Variants in PLEKHG4B observed in about 807,000 individuals in gnomAD.
PLEKHG4B encodes pleckstrin homology and RhoGEF domain containing G4B.
Under a neutral mutation model 121.3 loss-of-function variants are expected in PLEKHG4B, and 111 were observed. That is an observed-to-expected ratio of 0.92 (90% CI 0.78 to 1.07). The LOEUF (loss-of-function observed/expected upper bound fraction) is 1.07, where lower values mean the gene tolerates loss of function less well. PLEKHG4B is among the 50% of genes least tolerant of loss of function. The pLI is 0.00. For synonymous variants in PLEKHG4B, 738 were observed against 725.0 expected, an observed-to-expected ratio of 1.02 and a Z score of -0.29; for missense variants, 1,831 against 1,757.8, an observed-to-expected ratio of 1.04 and a Z score of -0.74.
intron 2 of PLEKHG4B, among the ~76,000 whole-genome samples, chr5:126,604 G>A (rs1734619849): frequency 6.6e-6 from 1 of 152,142 alleles, no homozygotes. Context: ...TTGAAAATTG[G>A]ACATTTGAAT....
intron 18 of PLEKHG4B, among the ~76,000 whole-genome samples, chr5:178,378 T>C (rs1482943539): frequency 6.6e-6 from 1 of 152,250 alleles, no homozygotes; most frequent in African/African-American, 2.4e-5. Flanking sequence ...ACAGCTTCGA[T>C]TATTTGAAAT....
At chr5:119,910 G>A (rs537795732) in intron 2 of PLEKHG4B, among the ~76,000 whole-genome samples, 1 of 152,182 alleles carries the variant, frequency 6.6e-6, no homozygotes, top group Admixed American at 6.5e-5. Flanking sequence ...AAGTGGAAAT[G>A]GAAGGAGGGA....
At chr5:172,703 T>C (rs1736604921) in intron 16 of PLEKHG4B, among the ~76,000 whole-genome samples, 194 bp from the exon 17 acceptor site, 1 of 152,230 alleles carries the variant, frequency 6.6e-6, no homozygotes, top group African/African-American at 2.4e-5. Flanking sequence ...TTAGATGTGA[T>C]GCTGCAGTTT....
At chr5:98,155 A>G (rs1168140009) in intron 1 of PLEKHG4B, among the ~76,000 whole-genome samples, 3 of 152,058 alleles carry the variant, frequency 2.0e-5, no homozygotes, top group Non-Finnish European at 4.4e-5. Context: ...GGTTTACCCC[A>G]ATGTTTTCTT....
At chr5:145,508 A>G (rs1253728323) in intron 6 of PLEKHG4B, among the ~76,000 whole-genome samples, 1 of 152,172 alleles carries the variant, frequency 6.6e-6, no homozygotes, top group South Asian at 2.1e-4. Flanking sequence ...CTACAGGCGC[A>G]TGCCACCATG....
chr5:187,373 G>A lies in PLEKHG4B; in HGVS notation c.*5050G>A, dbSNP rs1227724802. 6.6e-6 allele frequency: 1 copy of A among 152,302 alleles called. No homozygotes were observed. Among genetic ancestry groups the A allele is most frequent in the Non-Finnish European group, 1.5e-5 (1 of 68,156 alleles). The allele number at this position is 152,302 out of a possible 1,614,324, so 9.4% of individuals were successfully genotyped here. ...GGCCTGCGTCCATCCCCGGTTCTGG[G>A]GAGATGCCCGGGCCCCTCCTGGATG... On this transcript the variant is annotated 3_prime_UTR_variant, in exon 20 of 20. Coordinates refer to ENST00000637938, the MANE Select transcript of PLEKHG4B (RefSeq NM_052909.5).
intron 18 of PLEKHG4B, among the ~76,000 whole-genome samples, chr5:178,239 T>C (rs547865414): frequency 8.7e-4 from 132 of 152,296 alleles, no homozygotes; most frequent in African/African-American, 2.9e-3. Context: ...GGAAACGCCC[T>C]CTCCCTGGCA....
chr5:162,890 C>T lies in PLEKHG4B; in HGVS notation c.2818C>T (p.Gln940Ter), dbSNP rs1389925145. 6.5e-7 allele frequency: 1 copy of T among 1,530,936 alleles called. No homozygotes were observed. The highest frequency in any genetic ancestry group is 8.8e-7 in the Non-Finnish European group (1 of 1,138,208). 94.8% of individuals were successfully genotyped at this position (1,530,936 alleles called of 1,614,324 possible). The change falls in exon 13 of 20, where the codon CAG becomes TAG. Residue 940 changes from glutamine to a stop codon, truncating the protein, a stop_gained. Transcript: ENST00000637938. LOFTEE classifies it high-confidence loss of function. ...TGCCCTGGGGAAACCGTGGGCATCACAGCAAGACCTGTGGCTGCAGTACCC... is the reference window on the plus strand; with the variant it reads ...TGCCCTGGGGAAACCGTGGGCATCATAGCAAGACCTGTGGCTGCAGTACCC... ...PHALGKPWAS[Q>*]QDLWLQYPQT...
chr5:169,558 G>GC lies in PLEKHG4B; in HGVS notation c.3699dup (p.Ala1235GlyfsTer47). On this transcript the variant is annotated frameshift_variant, in exon 14 of 20. Coordinates refer to ENST00000637938, the MANE Select transcript of PLEKHG4B (RefSeq NM_052909.5). LOFTEE classifies it high-confidence loss of function. ...CGGGAGCTGGAGCGCTGCCAGCACT[G>GC]CCCCTTGGCCGTGGGCCGCAGTTTC... 1 of 1,613,742 alleles carries GC rather than the reference G, an allele frequency of 6.2e-7. No homozygotes were observed. Among genetic ancestry groups the GC allele is most frequent in the Non-Finnish European group, 8.5e-7 (1 of 1,180,046 alleles).
rs1735816418 is a variant in PLEKHG4B, at chr5:157,271, C to T, written c.2487+360C>T. ...AGTGACTGAGAAGCCGAGGTGAAACCGACACAGGTAGAGAGAGTCTGGGCC... is the reference window on the plus strand; with the variant it reads ...AGTGACTGAGAAGCCGAGGTGAAACTGACACAGGTAGAGAGAGTCTGGGCC... On this transcript the variant is annotated intron_variant, in intron 11 of 19. Coordinates refer to ENST00000637938, the MANE Select transcript of PLEKHG4B (RefSeq NM_052909.5). This position sits in a 1 kb window ranked among gnomAD's most constrained non-coding sequence, Gnocchi z 4.6. Among the ~76,000 whole-genome samples the T allele has an allele frequency of 6.6e-6, 1 of 151,868 alleles. No homozygotes were observed. Among genetic ancestry groups the T allele is most frequent in the Admixed American group, 6.6e-5 (1 of 15,256 alleles).
intron 6 of PLEKHG4B, among the ~76,000 whole-genome samples, chr5:146,395 A>G (rs922929087): frequency 2.7e-5 from 3 of 111,274 alleles, no homozygotes; most frequent in African/African-American, 7.2e-5. Flanking sequence ...CACAAGCTGT[A>G]GCCCTCCATC....
intron 13 of PLEKHG4B, among the ~76,000 whole-genome samples, chr5:164,341 G>A (rs1277324518): frequency 1.3e-5 from 2 of 152,190 alleles, no homozygotes; most frequent in Non-Finnish European, 2.9e-5. Context: ...AGTAGTGTTC[G>A]TGCTTCTCCG....
chr5:170,848 C>T (rs1736518674), intron 14 of PLEKHG4B, among the ~76,000 whole-genome samples, 195 bp from the exon 15 acceptor site: 1 of 152,130 alleles, frequency 6.6e-6, no homozygotes, highest in Non-Finnish European at 1.5e-5. Context: ...ACTGGTCACC[C>T]CTGGAGCCCT....
At chr5:99,170 G>GTATATATATATATATATATATA (rs534174768) in intron 1 of PLEKHG4B, among the ~76,000 whole-genome samples, 1 of 100,508 alleles carries the variant, frequency 9.9e-6, no homozygotes, top group Non-Finnish European at 1.9e-5. Context: ...AAAAAAAAGT[G>GTATATATATATATATATATATA]TATATATATA....
In PLEKHG4B at chr5:161,793, A is replaced by C; in HGVS notation, c.2498A>C (p.Gln833Pro). ...GTTCCTTGGGTACAGCAATCCTGCC[A>C]GAAAGGACTACAGCTGGCGAAGGAG... The part of the protein sequence containing the change: ...LLEGNDQQSC[Q>P]KGLQLAKENP... Residue 833 changes from glutamine to proline, a missense_variant, in exon 12 of 20, where the codon CAG becomes CCG. Physicochemically the swap from Gln to Pro is moderately conservative, Grantham distance 76 (BLOSUM62 -1). Transcript: ENST00000637938. The C allele has an allele frequency of 6.2e-7, 1 of 1,613,728 alleles. No individual in the cohort carries two copies. Among genetic ancestry groups the C allele is most frequent in the Non-Finnish European group, 8.5e-7 (1 of 1,180,032 alleles).
chr5:133,996 A>G (rs1397770962), intron 2 of PLEKHG4B, among the ~76,000 whole-genome samples: 2 of 147,694 alleles, frequency 1.4e-5, no homozygotes, highest in African/African-American at 5.0e-5. Flanking sequence ...GATGGAATAT[A>G]TATATATGAG....
rs114689935 is a variant in PLEKHG4B at position 174,659 on chromosome 5, A to T, written c.4402+561A>T. Among the ~76,000 whole-genome samples, 1,307 of 152,218 alleles carry T rather than the reference A, an allele frequency of 8.6e-3. 10 individuals are homozygous for T. The highest frequency in any genetic ancestry group is 0.018 in the South Asian group (89 of 4,822). ...CGGTCTGGGGAAACAACAGGATCAC[A>T]TCATTTTCTATACAGGGTTGGTGCA... On this transcript the variant is annotated intron_variant, in intron 18 of 19. Transcript: ENST00000637938.
rs1735087582 is a variant in PLEKHG4B, at chr5:139,581, C to G, written c.342C>G (p.Leu114=). 2.5e-6 allele frequency: 1 copy of G among 398,872 alleles called. No individual in the cohort carries two copies. Among genetic ancestry groups the G allele is most frequent in the African/African-American group, 2.1e-5 (1 of 48,646 alleles). The allele number at this position is 398,872 out of a possible 1,614,324, so 24.7% of individuals were successfully genotyped here. The change falls in exon 3 of 20, where the codon CTC becomes CTG. Residue 114 remains leucine, a synonymous_variant. Coordinates refer to ENST00000637938, the MANE Select transcript of PLEKHG4B (RefSeq NM_052909.5). This position sits in a 1 kb window ranked among gnomAD's most constrained non-coding sequence, Gnocchi z 5.0. ...TGGCGTCCCTGCACGGAGTCAGGCT[C>G]CAGCCCGGGGACTTCTACCTGCAGG... is the stretch of plus-strand genomic sequence containing the variant. ...VQLASLHGVR[L]QPGDFYLQVT... is the part of the protein sequence containing the mutation.
chr5:164,729 T>C (rs562983172), intron 13 of PLEKHG4B, among the ~76,000 whole-genome samples: 1 of 98,136 alleles, frequency 1.0e-5, no homozygotes. Context: ...CTCACACTAA[T>C]ACTCTGACGG....
Sources: allele counts gnomAD v4.1 joint callset (sites outside exome capture counted in the v4.1 genomes callset), GRCh38; gene constraint gnomAD v4.1.1; non-coding constraint Gnocchi (gnomAD v3.1); transcripts MANE v1.5; gene names NCBI Gene and HGNC (gene_info 2026-07-23, HGNC 2026-07-21).